The following FHIT variants were observed in gnomAD, a reference collection of about 807,000 sequenced individuals.
FHIT encodes the protein fragile histidine triad diadenosine triphosphatase.
FHIT carries 19 observed loss-of-function variants against 17.9 expected under a neutral mutation model. The ratio of observed to expected loss-of-function variants is 1.06; its 90% CI spans 0.74 to 1.56. FHIT has a LOEUF of 1.56. Among genes scored for constraint, FHIT ranks in the 40% most tolerant of loss-of-function variants. The pLI, the probability that FHIT is intolerant of heterozygous loss-of-function variation, is 0.00. For synonymous variants in FHIT, 81 were observed against 69.7 expected, an observed-to-expected ratio of 1.16 and a Z score of -0.81; for missense variants, 248 against 189.2, an observed-to-expected ratio of 1.31 and a Z score of -1.82.
chr3:59,904,157 GA>G (rs971486296), intron 8 of FHIT, among the ~76,000 whole-genome samples: 2 of 123,842 alleles, frequency 1.6e-5, no homozygotes, highest in Admixed American at 1.9e-4. Context: ...GAATACAGAA[GA>G]AAAAAAATCT....
intron 5 of FHIT, among the ~76,000 whole-genome samples, chr3:60,086,565 G>A (rs1311319927): frequency 2.0e-5 from 3 of 152,196 alleles, no homozygotes; most frequent in African/African-American, 7.2e-5. Flanking sequence ...AACATACAAT[G>A]GTTTCATGGG....
intron 7 of FHIT, among the ~76,000 whole-genome samples, chr3:60,001,214 C>T (rs577182123): frequency 4.6e-5 from 7 of 152,334 alleles, no homozygotes; most frequent in African/African-American, 1.7e-4. Context: ...GGCTGTCTTG[C>T]CTTCCACTTT....
intron 5 of FHIT, among the ~76,000 whole-genome samples, chr3:60,161,351 T>C (rs1333100371): frequency 6.6e-6 from 1 of 152,174 alleles, no homozygotes; most frequent in East Asian, 1.9e-4. Flanking sequence ...TCATGGCCAA[T>C]CCTGAATAAA....
chr3:60,123,049 T>A (rs1370460785), intron 5 of FHIT, among the ~76,000 whole-genome samples: 6 of 152,228 alleles, frequency 3.9e-5, no homozygotes, highest in Non-Finnish European at 8.8e-5. Flanking sequence ...TTCCTAGTTT[T>A]CTGTTAATTA....
intron 3 of FHIT, among the ~76,000 whole-genome samples, chr3:60,834,793 A>G (rs1218105342): frequency 1.3e-5 from 2 of 150,746 alleles, no homozygotes; most frequent in Admixed American, 6.7e-5. Context: ...TGAACCTGGG[A>G]GGCAGAAGTT....
chr3:61,137,881 T>C lies in FHIT; in HGVS notation c.-164+62736A>G, dbSNP rs185292602. Among the ~76,000 whole-genome samples, 303 of 152,336 alleles carry C rather than the reference T, an allele frequency of 2.0e-3. 4 individuals are homozygous for C. The highest frequency in any genetic ancestry group is 0.017 in the Admixed American group (255 of 15,302). Reference sequence around the variant, plus strand: ...CTCCCTGCAGCCTCACACAGTCTTTTAATCTGCATATCTCCAGAGGCCTGT... The same window carrying C: ...CTCCCTGCAGCCTCACACAGTCTTTCAATCTGCATATCTCCAGAGGCCTGT... On this transcript the variant is annotated intron_variant, in intron 2 of 9. Transcript: ENST00000492590.
rs374393569 is a variant in FHIT at position 60,995,099 on chromosome 3, T to A, written c.-111+46948A>T. Among the ~76,000 whole-genome samples, 111 of 152,168 alleles carry A rather than the reference T, an allele frequency of 7.3e-4. 1 individual carries two copies. In the East Asian group the frequency reaches 0.02, roughly 28 times the overall value. ...ACTTTGGGAGGCCGAGGCGGGCGGATCACGAGGTCAGGAGATCGAGACCAT... is the reference window on the plus strand; with the variant it reads ...ACTTTGGGAGGCCGAGGCGGGCGGAACACGAGGTCAGGAGATCGAGACCAT... On this transcript the variant is annotated intron_variant, in intron 3 of 9. Coordinates refer to ENST00000492590, the MANE Select transcript of FHIT (RefSeq NM_002012.4).
chr3:60,392,711 A>T (rs560280339), intron 5 of FHIT, among the ~76,000 whole-genome samples: 1 of 152,174 alleles, frequency 6.6e-6, no homozygotes, highest in Non-Finnish European at 1.5e-5. Flanking sequence ...ATAACAGGAG[A>T]TGGAACCTGG....
At chr3:59,878,348 C>T (rs1314481461) in intron 8 of FHIT, among the ~76,000 whole-genome samples, 1 of 152,146 alleles carries the variant, frequency 6.6e-6, no homozygotes, top group East Asian at 1.9e-4. Context: ...ACATCCAGAG[C>T]TCCATCTTCC....
intron 5 of FHIT, among the ~76,000 whole-genome samples, chr3:60,457,105 C>G (rs897372019): frequency 1.3e-5 from 2 of 152,050 alleles, no homozygotes; most frequent in Admixed American, 1.3e-4. Flanking sequence ...GGAACCAAAA[C>G]AGAGCCCGTA....
At chr3:60,640,531 A>G (rs1319373) in intron 4 of FHIT, among the ~76,000 whole-genome samples, 1 of 152,182 alleles carries the variant, frequency 6.6e-6, no homozygotes, top group Non-Finnish European at 1.5e-5. Flanking sequence ...TTATTTTGAA[A>G]ATATTTATTG....
chr3:60,639,868 T>C (rs1039314850), intron 4 of FHIT, among the ~76,000 whole-genome samples: 12 of 152,146 alleles, frequency 7.9e-5, no homozygotes, highest in Non-Finnish European at 1.5e-4. Flanking sequence ...TCATTCACAA[T>C]AATCCAAACT....
intron 4 of FHIT, among the ~76,000 whole-genome samples, chr3:60,583,850 T>C (rs190397089): frequency 4.5e-4 from 68 of 152,006 alleles, no homozygotes; most frequent in African/African-American, 1.6e-3. Context: ...ATCAGCTGCC[T>C]TCCCCCAAAC....
intron 5 of FHIT, among the ~76,000 whole-genome samples, chr3:60,095,793 T>C (rs765844648): frequency 8.5e-5 from 13 of 152,210 alleles, no homozygotes; most frequent in Non-Finnish European, 1.8e-4. Context: ...AGTTGGCCTA[T>C]CTGGTACAAC....
At chr3:59,961,692 C>G (rs1707692009) in intron 7 of FHIT, among the ~76,000 whole-genome samples, 1 of 152,152 alleles carries the variant, frequency 6.6e-6, no homozygotes, top group Admixed American at 6.5e-5. Flanking sequence ...TTGTGCTTCC[C>G]AAGTGAGGCG....
At chr3:60,153,229 C>T (rs1700541222) in intron 5 of FHIT, among the ~76,000 whole-genome samples, 1 of 152,044 alleles carries the variant, frequency 6.6e-6, no homozygotes, top group Non-Finnish European at 1.5e-5. Flanking sequence ...CCCTCAGTGT[C>T]TCCAGTTATT....
At chr3:60,831,949 T>G (rs1702347092) in intron 3 of FHIT, among the ~76,000 whole-genome samples, 1 of 152,142 alleles carries the variant, frequency 6.6e-6, no homozygotes, top group Non-Finnish European at 1.5e-5. Context: ...GTTTTTGAAG[T>G]GACTTTGTAG....
At chr3:60,016,459 C>A (rs1219849155) in intron 5 of FHIT, among the ~76,000 whole-genome samples, 2 of 152,126 alleles carry the variant, frequency 1.3e-5, no homozygotes, top group Non-Finnish European at 2.9e-5. Flanking sequence ...GTGGATTGGG[C>A]TGGCAACCTA....
At chr3:60,227,529 A>AT (rs1053838735) in intron 5 of FHIT, among the ~76,000 whole-genome samples, 5 of 152,062 alleles carry the variant, frequency 3.3e-5, no homozygotes, top group African/African-American at 9.7e-5. Context: ...TGACACCTGT[A>AT]TTTTTTTCAC....
Sources: allele counts gnomAD v4.1 joint callset (sites outside exome capture counted in the v4.1 genomes callset), GRCh38; gene constraint gnomAD v4.1.1; transcripts MANE v1.5; gene names NCBI Gene and HGNC (gene_info 2026-07-23, HGNC 2026-07-21).